Variants in SETD1A observed in about 807,000 individuals in gnomAD.
SETD1A encodes the protein histone-lysine N-methyltransferase SETD1A.
A neutral mutation model predicts 149.9 loss-of-function variants in SETD1A; 29 were observed. That is an observed-to-expected ratio of 0.19 (90% confidence interval 0.14 to 0.26). The LOEUF (loss-of-function observed/expected upper bound fraction) is 0.26. Ranked by LOEUF, SETD1A falls within the 10% of genes least tolerant of loss-of-function variation. The probability of loss-of-function intolerance (pLI) is 1.00; values close to 1 mark genes in which losing one functional copy is unlikely to be tolerated. For missense variants in SETD1A, 2,109 were observed against 2,353.1 expected, an observed-to-expected ratio of 0.90 and a Z score of 2.15; for synonymous variants, 1,141 against 968.5, an observed-to-expected ratio of 1.18 and a Z score of -3.31.
intron 13 of SETD1A, among the ~76,000 whole-genome samples, 187 bp downstream of exon 13, chr16:30,971,906 CATG>C (rs1040513251): frequency 6.6e-6 from 1 of 152,232 alleles, no homozygotes; most frequent in Non-Finnish European, 1.5e-5. Flanking sequence ...ACTGTACCGT[CATG>C]GTGGTTTACA....
At chr16:30,972,202 C>T (rs1023696542) in intron 13 of SETD1A, among the ~76,000 whole-genome samples, 1 of 152,194 alleles carries the variant, frequency 6.6e-6, no homozygotes, top group African/African-American at 2.4e-5. Context: ...GGGAACCGCT[C>T]TTTCAAGCAG....
rs1299477910 is a variant in SETD1A at position 30,983,073 on chromosome 16, G to A, written c.4813-562G>A. On this transcript the variant is annotated intron_variant, in intron 17 of 18. Transcript: ENST00000262519. The surrounding 1 kb of genome is among the most constrained non-coding windows in gnomAD (Gnocchi z 6.8). Reference sequence around the variant, plus strand: ...GGGAGGAGTCCCCACCACATAGCTGGCGGCTGAGGCTCTGGAAGGGAGTGA... The same window carrying A: ...GGGAGGAGTCCCCACCACATAGCTGACGGCTGAGGCTCTGGAAGGGAGTGA... Among the ~76,000 whole-genome samples the A allele has an allele frequency of 6.6e-6, 1 of 152,192 alleles. No homozygotes were observed. The highest frequency in any genetic ancestry group is 1.5e-5 in the Non-Finnish European group (1 of 68,036).
In SETD1A at chr16:30,980,433, C is replaced by A; in HGVS notation, c.4409-52C>A. 6.4e-7 allele frequency: 1 copy of A among 1,571,244 alleles called. No homozygotes were observed. Among genetic ancestry groups the A allele is most frequent in the Non-Finnish European group, 8.6e-7 (1 of 1,156,244 alleles). On this transcript the variant is annotated intron_variant, in intron 14 of 18. Transcript: ENST00000262519. This position sits in a 1 kb window ranked among gnomAD's most constrained non-coding sequence, Gnocchi z 7.7. ...GCGTGGGCCCCGCCCTCTCCTTTGG[C>A]TGGGACGCAGGTGGCCAGAGAGGAG...
chr16:30,975,996 T>C (rs1396347015), intron 13 of SETD1A, among the ~76,000 whole-genome samples: 1 of 152,032 alleles, frequency 6.6e-6, no homozygotes, highest in Non-Finnish European at 1.5e-5. Context: ...TCTGATGCAG[T>C]TATACCCTTC....
intron 13 of SETD1A, among the ~76,000 whole-genome samples, chr16:30,977,462 C>T (rs1385727573): frequency 1.3e-5 from 2 of 152,204 alleles, no homozygotes; most frequent in Non-Finnish European, 2.9e-5. Flanking sequence ...CAAAAGTTGT[C>T]TCCTAAATGA....
In SETD1A at chr16:30,979,264, C is replaced by G. The variant is rs1235438818; in HGVS notation, c.3478C>G (p.Pro1160Ala). ...RPSSPIPLLP[P>A]PKKRRKTVSF... ...CTCTTCTCCCATCCCCCTCCTGCCC[C>G]CACCCAAGAAACGCCGGAAAACTGT... Residue 1160 changes from proline (P) to alanine (A), a missense_variant, in exon 14 of 19, where the codon CCA becomes GCA. By Grantham distance (27) the Pro-to-Ala change is conservative. Coordinates refer to ENST00000262519, the MANE Select transcript of SETD1A (RefSeq NM_014712.3). The G allele has an allele frequency of 6.2e-7, 1 of 1,612,848 alleles. No homozygotes were observed. Among genetic ancestry groups the G allele is most frequent in the African/African-American group, 1.3e-5 (1 of 75,014 alleles).
Position 30,964,117 on chromosome 16 carries a change from C to G in SETD1A, c.663C>G (p.Ser221=), listed in dbSNP as rs1359714708. The G allele has an allele frequency of 9.3e-6, 15 of 1,613,702 alleles. No individual in the cohort carries two copies. In the East Asian group the frequency reaches 3.1e-4, roughly 34 times the overall value. Residue 221 remains serine, a synonymous_variant, in exon 6 of 19, where the codon TCC becomes TCG. Transcript: ENST00000262519. Reference sequence around the variant, plus strand: ...AGGCCGAATCCCGCCGCCGCTCTTCCTCTGACACAGCTGCCTACCCAGCAG... The same window carrying G: ...AGGCCGAATCCCGCCGCCGCTCTTCGTCTGACACAGCTGCCTACCCAGCAG... ...TETAESRRRS[S]SDTAAYPAGT... is the part of the protein sequence containing the mutation.
chr16:30,982,883 G>A (rs1255909564), intron 17 of SETD1A, among the ~76,000 whole-genome samples: 2 of 152,180 alleles, frequency 1.3e-5, no homozygotes, highest in Non-Finnish European at 2.9e-5. Context: ...TTAGCTGCTG[G>A]GAGTATGATG....
At position 30,965,843 on chromosome 16, in the gene SETD1A, G is replaced by A. The variant is rs370672157; in HGVS notation, c.1962G>A (p.Pro654=). The A allele has an allele frequency of 1.7e-5, 17 of 999,664 alleles. No homozygotes were observed. The highest frequency in any genetic ancestry group is 2.5e-4 in the Middle Eastern group (1 of 4,030). The allele number at this position is 999,664 out of a possible 1,614,324, so 61.9% of individuals were successfully genotyped here. Residue 654 remains proline (P), a synonymous_variant, in exon 8 of 19, where the codon CCG becomes CCA. Transcript: ENST00000262519. The part of the protein sequence containing the change: ...PEYPPPPPPP[P]HIYDFVNSLE... ...ACCCCCCACCTCCTCCACCACCCCC[G>A]CACATCTATGACTTTGTGAACTCCT...
rs2056141376 is a variant in SETD1A at position 30,966,094 on chromosome 16, A to G, written c.2213A>G (p.Glu738Gly). 1 of 1,592,668 alleles carries G rather than the reference A, an allele frequency of 6.3e-7. No homozygotes were observed. Among genetic ancestry groups the G allele is most frequent in the Non-Finnish European group, 8.6e-7 (1 of 1,167,904 alleles). Residue 738 changes from glutamate to glycine, a missense_variant, in exon 8 of 19, where the codon GAG becomes GGG. By Grantham distance (98) the Glu-to-Gly change is moderately conservative. This residue lies in a region of SETD1A where 431 missense variants were observed against 388.6 expected (regional missense o/e 1.11). Coordinates refer to ENST00000262519, the MANE Select transcript of SETD1A (RefSeq NM_014712.3). Reference sequence around the variant, plus strand: ...TATGCTCTATATGCACAGGGGCAGGAGGGCAGAGGGGCATACTCACGGGAG... The same window carrying G: ...TATGCTCTATATGCACAGGGGCAGGGGGGCAGAGGGGCATACTCACGGGAG... Reference protein sequence around the residue: ...LPYALYAQGQEGRGAYSREAY... With the variant: ...LPYALYAQGQGGRGAYSREAY...
At chr16:30,978,222 C>T (rs370660304) in intron 13 of SETD1A, among the ~76,000 whole-genome samples, 4 of 146,140 alleles carry the variant, frequency 2.7e-5, no homozygotes, top group African/African-American at 5.2e-5. Context: ...TGCAGTAAGC[C>T]GAGATTGCGC....
chr16:30,979,777 C>T lies in SETD1A; in HGVS notation c.3991C>T (p.Pro1331Ser), dbSNP rs1212249913. ...CGCACCCGCCGCCCTCTTCAGTTCC[C>T]CAGCTGATGAGGTCCTGGAGGCCCC... ...VPAPAALFSS[P>S]ADEVLEAPEV... The change falls in exon 14 of 19, where the codon CCA becomes TCA. Residue 1331 changes from proline (P) to serine (S), a missense_variant. This residue lies in a region of SETD1A where 832 missense variants were observed against 815.6 expected (regional missense o/e 1.02). Coordinates refer to ENST00000262519, the MANE Select transcript of SETD1A (RefSeq NM_014712.3). 1 of 1,591,214 alleles carries T rather than the reference C, an allele frequency of 6.3e-7. No individual in the cohort carries two copies. Among genetic ancestry groups the T allele is most frequent in the Non-Finnish European group, 8.5e-7 (1 of 1,175,688 alleles).
At chr16:30,959,543 C>A (rs1286284687) in intron 3 of SETD1A, among the ~76,000 whole-genome samples, 2 of 152,146 alleles carry the variant, frequency 1.3e-5, no homozygotes, top group Non-Finnish European at 2.9e-5. Context: ...AGGCCACTGC[C>A]TACCTGGGTA....
At position 30,980,743 on chromosome 16, in the gene SETD1A, C is replaced by T. The variant is rs373226044; in HGVS notation, c.4586C>T (p.Thr1529Met). Reference protein sequence around the residue: ...RQLEGVDTQGTNRVLSERRSE... With the variant: ...RQLEGVDTQGMNRVLSERRSE... Reference sequence around the variant, plus strand: ...TCCCTGCCGTGTGTCTCACAGGGGACGAACCGCGTGCTGTCCGAGCGCCGG... The same window carrying T: ...TCCCTGCCGTGTGTCTCACAGGGGATGAACCGCGTGCTGTCCGAGCGCCGG... The change falls in exon 16 of 19, where the codon ACG becomes ATG. Residue 1529 changes from threonine to methionine, a missense_variant. This residue lies in a region of SETD1A where 254 missense variants were observed against 409.3 expected (regional missense o/e 0.62). Transcript: ENST00000262519. This position sits in a 1 kb window ranked among gnomAD's most constrained non-coding sequence, Gnocchi z 7.7. 30 of 1,612,172 alleles carry T rather than the reference C, an allele frequency of 1.9e-5. No individual in the cohort carries two copies. Among genetic ancestry groups the T allele is most frequent in the South Asian group, 6.6e-5 (6 of 90,922 alleles).
chr16:30,982,665 G>A (rs945532618), intron 17 of SETD1A, among the ~76,000 whole-genome samples: 1 of 70,704 alleles, frequency 1.4e-5, no homozygotes, highest in African/African-American at 3.1e-5. Flanking sequence ...GGGTCCTTCC[G>A]CAGGAGAGGG....
rs200535983 is a variant in SETD1A at position 30,981,076 on chromosome 16, C to G, written c.4708C>G (p.Leu1570Val). 1 of 1,614,180 alleles carries G rather than the reference C, an allele frequency of 6.2e-7. No individual in the cohort carries two copies. The highest frequency in any genetic ancestry group is 8.5e-7 in the Non-Finnish European group (1 of 1,180,018). Residue 1570 changes from leucine (L) to valine (V), a missense_variant, in exon 17 of 19, where the codon CTC becomes GTC. Coordinates refer to ENST00000262519, the MANE Select transcript of SETD1A (RefSeq NM_014712.3). Reference sequence around the variant, plus strand: ...TGCCCCCCAGTTCCGGAAGAAGAAGCTCCGATTTGGCCGGAGCCGGATCCA... The same window carrying G: ...TGCCCCCCAGTTCCGGAAGAAGAAGGTCCGATTTGGCCGGAGCCGGATCCA... ...LNQLKFRKKK[L>V]RFGRSRIHEW...
At chr16:30,967,385 C>CT (rs1212128447) in intron 9 of SETD1A, 116 bp from the exon 10 acceptor site, 6 of 892,930 alleles carry the variant, frequency 6.7e-6, no homozygotes, top group Non-Finnish European at 1.1e-5. Flanking sequence ...AACTCCTAAC[C>CT]TCAGGTGATC....
chr16:30,971,078 T>A (rs2056217786), intron 12 of SETD1A, among the ~76,000 whole-genome samples: 1 of 152,184 alleles, frequency 6.6e-6, no homozygotes, highest in Admixed American at 6.5e-5. Context: ...GCTTCCGACA[T>A]CCCTGTGCAG....
At chr16:30,969,167 C>T (rs2056192402) in intron 10 of SETD1A, 138 bp from the exon 11 acceptor site, 3 of 873,062 alleles carry the variant, frequency 3.4e-6, no homozygotes, top group Admixed American at 2.8e-5. Context: ...TTGAGTTCCT[C>T]TGGTGAGCTT....
Sources: allele counts gnomAD v4.1 joint callset (sites outside exome capture counted in the v4.1 genomes callset), GRCh38; gene constraint gnomAD v4.1.1; regional missense constraint gnomAD v4.1.1; non-coding constraint Gnocchi (gnomAD v3.1); transcripts MANE v1.5; gene names NCBI Gene and HGNC (gene_info 2026-07-23, HGNC 2026-07-21).